The following SPTB variants were observed in gnomAD, a reference collection of about 807,000 sequenced individuals.
SPTB encodes the protein spectrin beta chain, erythrocytic.
In SPTB, 45 loss-of-function variants were observed where a neutral mutation model predicts 256.2. The ratio of observed to expected loss-of-function variants is 0.18; its 90% confidence interval spans 0.14 to 0.23. The LOEUF (loss-of-function observed/expected upper bound fraction) is 0.23, where lower values mean the gene tolerates loss of function less well. Among genes scored for constraint, SPTB ranks in the 10% least tolerant of loss-of-function variants. The pLI is 1.00. For missense variants in SPTB, 2,715 were observed against 3,040.4 expected, an observed-to-expected ratio of 0.89 and a Z score of 2.52; for synonymous variants, 1,231 against 1,243.1, an observed-to-expected ratio of 0.99 and a Z score of 0.21.
chr14:64,870,461 TCC>T (rs1882463378), intron 1 of SPTB, among the ~76,000 whole-genome samples: 1 of 152,134 alleles, frequency 6.6e-6, no homozygotes, highest in South Asian at 2.1e-4. Context: ...TTTACACCCT[TCC>T]CCACCTGAGC....
Position 64,747,729 on chromosome 14 carries a change from G to GTGAT in SPTB, c.*1573_*1576dup, listed in dbSNP as rs1399079347. 1 of 152,288 alleles carries GTGAT rather than the reference G, an allele frequency of 6.6e-6. No homozygotes were observed. Among genetic ancestry groups the GTGAT allele is most frequent in the East Asian group, 1.9e-4 (1 of 5,192 alleles). The allele number at this position is 152,288 out of a possible 1,614,324, so 9.4% of individuals were successfully genotyped here. A position where few individuals can be genotyped will look rare whatever the true frequency, so the allele number is the denominator to read the frequency against. ...AACTAAGGTCCTTCTCACGGGGAAG[G>GTGAT]TGATAGAAACTTGACTGCAGGCCCT... On this transcript the variant is annotated 3_prime_UTR_variant, in exon 36 of 36. Transcript: ENST00000644917.
At chr14:64,871,456 T>A (rs1374723514) in intron 1 of SPTB, among the ~76,000 whole-genome samples, 1 of 152,204 alleles carries the variant, frequency 6.6e-6, no homozygotes, top group Non-Finnish European at 1.5e-5. Flanking sequence ...GAAGAACCAC[T>A]GGTGGCTTTT....
At chr14:64,766,560 A>T in intron 32 of SPTB, 166 bp downstream of exon 32, 1 of 1,568,086 alleles carries the variant, frequency 6.4e-7, no homozygotes, top group Non-Finnish European at 8.6e-7. Flanking sequence ...CACCTCAGTG[A>T]GGACGTAGCC....
In SPTB at chr14:64,750,163, A is replaced by G; in HGVS notation, c.6603-9T>C. 1 of 1,609,272 alleles carries G rather than the reference A, an allele frequency of 6.2e-7. No homozygotes were observed. On this transcript the variant is annotated splice_polypyrimidine_tract_variant and intron_variant, in intron 33 of 35. Transcript: ENST00000644917. Reference sequence around the variant, plus strand: ...ACAGGTTGTTCCAGGACCTGCAAAGATGCAGACAGGCAGGTCACCCACATC... The same window carrying G: ...ACAGGTTGTTCCAGGACCTGCAAAGGTGCAGACAGGCAGGTCACCCACATC...
chr14:64,779,192 G>A lies in SPTB; in HGVS notation c.4528C>T (p.Leu1510=). 2 of 1,614,116 alleles carry A rather than the reference G, an allele frequency of 1.2e-6. No individual in the cohort carries two copies. Among genetic ancestry groups the A allele is most frequent in the Non-Finnish European group, 1.7e-6 (2 of 1,180,012 alleles). ...TTCATGAACAGTTGCACAGTTTGCA[G>A]ATTAGTGCCATAGTCGGCTGACTGG... ...LAQSADYGTN[L]QTVQLFMKKN... The change falls in exon 22 of 36, where the codon CTG becomes TTG. Residue 1510 remains leucine, a synonymous_variant. Transcript: ENST00000644917. This position sits in a 1 kb window ranked among gnomAD's most constrained non-coding sequence, Gnocchi z 4.2.
At position 64,760,859 on chromosome 14, in the gene SPTB, T is replaced by C. The variant is rs1177537891; in HGVS notation, c.6345+5867A>G. Among the ~76,000 whole-genome samples the C allele has an allele frequency of 6.6e-6, 1 of 152,278 alleles. No homozygotes were observed. The highest frequency in any genetic ancestry group is 1.9e-4 in the East Asian group (1 of 5,184). On this transcript the variant is annotated intron_variant, in intron 32 of 35. Transcript: ENST00000644917. This position sits in a 1 kb window ranked among gnomAD's most constrained non-coding sequence, Gnocchi z 4.3. ...CATAGTCACACATTAGTGAGGAATG[T>C]TGAGGTCGCAGGTCTGTCTGGCACC...
chr14:64,856,968 A>G (rs2083884059), intron 1 of SPTB, among the ~76,000 whole-genome samples: 1 of 152,216 alleles, frequency 6.6e-6, no homozygotes. Flanking sequence ...AGAAAATTTG[A>G]GTCCATGCTT....
intron 1 of SPTB, among the ~76,000 whole-genome samples, chr14:64,831,974 G>A (rs1333529103): frequency 6.6e-6 from 1 of 152,088 alleles, no homozygotes. Context: ...TTGTTTTTAG[G>A]TGGAGTGAAG....
intron 2 of SPTB, 134 bp downstream of exon 2, chr14:64,822,813 C>T: frequency 7.2e-7 from 1 of 1,382,824 alleles, no homozygotes; most frequent in Non-Finnish European, 1.0e-6. Flanking sequence ...CCTCCCTGAG[C>T]CCGACAAACA....
Position 64,787,042 on chromosome 14 carries a change from T to C in SPTB, c.2923A>G (p.Lys975Glu). ...ETSKWITDKT[K>E]VVESTKDLGR... ...AGGTCTTTTGTGGACTCCACTACCT[T>C]TGTCTTGTCCGTGATCCACTTGCTG... Residue 975 changes from lysine to glutamate, a missense_variant, in exon 16 of 36, where the codon AAG becomes GAG. Lys to Glu is a moderately conservative substitution (Grantham distance 56, BLOSUM62 1). Transcript: ENST00000644917. 1.9e-6 allele frequency: 3 copies of C among 1,614,070 alleles called. No individual in the cohort carries two copies. The highest frequency in any genetic ancestry group is 1.7e-6 in the Non-Finnish European group (2 of 1,180,024).
rs573539766 is a variant in SPTB at position 64,824,373 on chromosome 14, C to T, written c.-51-1228G>A. 1.8e-4 allele frequency among the ~76,000 whole-genome samples: 28 copies of T among 151,898 alleles called. No homozygotes were observed. The highest frequency in any genetic ancestry group is 2.0e-4 in the Admixed American group (3 of 15,248). ...AAGCTTTGAGAACTTTAAGAAGTAACGGGAAGGCAGGGGTGGAGTCAGGGG... is the reference window on the plus strand; with the variant it reads ...AAGCTTTGAGAACTTTAAGAAGTAATGGGAAGGCAGGGGTGGAGTCAGGGG... On this transcript the variant is annotated intron_variant, in intron 1 of 35. Coordinates refer to ENST00000644917, the MANE Select transcript of SPTB (RefSeq NM_001355436.2). The surrounding 1 kb of genome is among the most constrained non-coding windows in gnomAD (Gnocchi z 5.7).
rs115041667 is a variant in SPTB, at chr14:64,860,612, C to T, written c.-52+19180G>A. 7.5e-3 allele frequency among the ~76,000 whole-genome samples: 1,142 copies of T among 152,112 alleles called. 17 individuals are homozygous for T. The highest frequency in any genetic ancestry group is 0.026 in the African/African-American group (1,080 of 41,492). ...AGGACACTAAAAAAGAAAAAAGGAT[C>T]GAGCCTGCCTCAGAACATTGTAGGA... On this transcript the variant is annotated intron_variant, in intron 1 of 35. Coordinates refer to ENST00000644917, the MANE Select transcript of SPTB (RefSeq NM_001355436.2).
chr14:64,782,910 C>G (rs543545306), intron 19 of SPTB, among the ~76,000 whole-genome samples: 1 of 150,840 alleles, frequency 6.6e-6, no homozygotes, highest in Admixed American at 6.6e-5. Flanking sequence ...TTAGACATGG[C>G]TGGTAGGGGA....
At chr14:64,765,683 C>T (rs745603764) in intron 32 of SPTB, among the ~76,000 whole-genome samples, 11 of 152,220 alleles carry the variant, frequency 7.2e-5, no homozygotes, top group Non-Finnish European at 1.3e-4. Flanking sequence ...CAGGCCAGAT[C>T]GGTGGAAAGA....
intron 27 of SPTB, 130 bp downstream of exon 27, chr14:64,770,755 C>A: frequency 6.9e-7 from 1 of 1,445,054 alleles, no homozygotes. Flanking sequence ...TCAAGTGTCC[C>A]CCAGGGATTT....
In SPTB at chr14:64,777,967, A is replaced by G. The variant is rs2082391220; in HGVS notation, c.4563+1190T>C. ...ATAACACTTACAGAGGCTGCATAGAATCAAAAATCCTAGTGTTGGAAAGAC... is the reference window on the plus strand; with the variant it reads ...ATAACACTTACAGAGGCTGCATAGAGTCAAAAATCCTAGTGTTGGAAAGAC... On this transcript the variant is annotated intron_variant, in intron 22 of 35. Transcript: ENST00000644917. This position sits in a 1 kb window ranked among gnomAD's most constrained non-coding sequence, Gnocchi z 4.5. 6.6e-6 allele frequency among the ~76,000 whole-genome samples: 1 copy of G among 152,192 alleles called. No homozygotes were observed. Among genetic ancestry groups the G allele is most frequent in the Non-Finnish European group, 1.5e-5 (1 of 68,034 alleles).
chr14:64,772,691 G>T lies in SPTB; in HGVS notation c.5442C>A (p.Asp1814Glu). Residue 1814 changes from aspartate to glutamate, a missense_variant, in exon 26 of 36, where the codon GAC becomes GAA. Transcript: ENST00000644917. This position sits in a 1 kb window ranked among gnomAD's most constrained non-coding sequence, Gnocchi z 5.4. The stretch of plus-strand genomic sequence containing the variant: ...CCTCGGGCAGCTCGCGGTGCTTCTC[G>T]TCGATGAGGCCCAGGATCTCGGCAC... The part of the protein sequence containing the change: ...YTGAEILGLI[D>E]EKHRELPEDV... The T allele has an allele frequency of 6.2e-7, 1 of 1,613,788 alleles. No individual in the cohort carries two copies. Among genetic ancestry groups the T allele is most frequent in the African/African-American group, 1.3e-5 (1 of 75,042 alleles).
chr14:64,779,651 G>C lies in SPTB; in HGVS notation c.4473+74C>G, dbSNP rs1382371767. 14 of 1,571,036 alleles carry C rather than the reference G, an allele frequency of 8.9e-6. No homozygotes were observed. Among genetic ancestry groups the C allele is most frequent in the Non-Finnish European group, 1.2e-5 (14 of 1,142,744 alleles). ...TCATCTACTGCCAAAAATTGCTCTGGGTGGCAGCCAGCTACTCTGATGGCA... is the reference window on the plus strand; with the variant it reads ...TCATCTACTGCCAAAAATTGCTCTGCGTGGCAGCCAGCTACTCTGATGGCA... On this transcript the variant is annotated intron_variant, in intron 21 of 35. Transcript: ENST00000644917. This position sits in a 1 kb window ranked among gnomAD's most constrained non-coding sequence, Gnocchi z 4.2.
Position 64,796,880 on chromosome 14 carries a change from T to C in SPTB, c.1183-165A>G, listed in dbSNP as rs1343362667. ...TAAAGATCAATAAAAGCCTTTGGCT[T>C]TCATGTCTGGGCCCATCAAAGATTC... On this transcript the variant is annotated intron_variant, in intron 10 of 35. Coordinates refer to ENST00000644917, the MANE Select transcript of SPTB (RefSeq NM_001355436.2). This position sits in a 1 kb window ranked among gnomAD's most constrained non-coding sequence, Gnocchi z 4.1. Among the ~76,000 whole-genome samples, 1 of 152,286 alleles carries C rather than the reference T, an allele frequency of 6.6e-6. No individual in the cohort carries two copies. The highest frequency in any genetic ancestry group is 1.9e-4 in the East Asian group (1 of 5,176).
Sources: gnomAD v4.1 joint callset for allele counts (sites outside exome capture counted in the v4.1 genomes callset) on GRCh38, gnomAD v4.1.1 for gene constraint, Gnocchi (gnomAD v3.1) non-coding constraint, MANE v1.5 for transcripts, NCBI Gene and HGNC (gene_info 2026-07-23, HGNC 2026-07-21) for gene names.